The following NCOR2 variants were observed in gnomAD, a reference collection of about 807,000 sequenced individuals.
NCOR2 encodes the protein nuclear receptor corepressor 2, also known as CTG repeat protein 26.
A neutral mutation model predicts 262.9 loss-of-function variants in NCOR2; 81 were observed. The ratio of observed to expected loss-of-function variants is 0.31; its 90% confidence interval spans 0.26 to 0.37. The LOEUF is 0.37. Ranked by LOEUF, NCOR2 falls within the 10% of genes least tolerant of loss-of-function variation. The pLI, the probability that NCOR2 is intolerant of heterozygous loss-of-function variation, is 1.00. For synonymous variants in NCOR2, 1,659 were observed against 1,559.3 expected (o/e 1.06, Z -1.51); for missense variants, 3,385 against 3,621.4 (o/e 0.93, Z 1.68).
intron 13 of NCOR2, among the ~76,000 whole-genome samples, chr12:124,403,754 C>T (rs1048445390): frequency 6.6e-6 from 1 of 152,208 alleles, no homozygotes; most frequent in Non-Finnish European, 1.5e-5. Flanking sequence ...GGAACAGGTG[C>T]CTGACCCGCA....
intron 19 of NCOR2, among the ~76,000 whole-genome samples, chr12:124,374,199 A>C (rs2039796170): frequency 1.3e-5 from 2 of 152,230 alleles, no homozygotes; most frequent in South Asian, 4.1e-4. Flanking sequence ...AAAGCAGTGG[A>C]GACGGGAAAC....
intron 1 of NCOR2, among the ~76,000 whole-genome samples, chr12:124,550,991 T>A (rs914849991): frequency 6.6e-6 from 1 of 152,150 alleles, no homozygotes; most frequent in Non-Finnish European, 1.5e-5. Context: ...CTACAAGAAG[T>A]TAAAATTAGC....
intron 37 of NCOR2, among the ~76,000 whole-genome samples, chr12:124,338,735 C>A (rs116383736): frequency 6.6e-6 from 1 of 151,958 alleles, no homozygotes; most frequent in African/African-American, 2.4e-5. Flanking sequence ...TCCTCACAGT[C>A]CCCATTCAGT....
chr12:124,489,443 T>C (rs2047959357), intron 1 of NCOR2, among the ~76,000 whole-genome samples: 1 of 151,980 alleles, frequency 6.6e-6, no homozygotes, highest in Non-Finnish European at 1.5e-5. Flanking sequence ...CACACAGCAA[T>C]AAGGGGTACG....
chr12:124,358,456 G>A (rs997018481), intron 22 of NCOR2, among the ~76,000 whole-genome samples: 37 of 152,174 alleles, frequency 2.4e-4, no homozygotes, highest in Admixed American at 6.5e-5. Context: ...GGGCAGTGGG[G>A]GGTTATAAGC....
At chr12:124,505,135 C>G (rs2048975017) in intron 1 of NCOR2, among the ~76,000 whole-genome samples, 1 of 152,124 alleles carries the variant, frequency 6.6e-6, no homozygotes, top group Non-Finnish European at 1.5e-5. Context: ...TCGGCTTTCC[C>G]TATTTGCCAC....
At position 124,330,915 on chromosome 12, in the gene NCOR2, G is replaced by C; in HGVS notation, c.6905-17C>G. ...GGCTGATATCTGGAAGCGGGTGACA[G>C]AGTGGGTGAGGCCCCCAGGTCTCTG... On this transcript the variant is annotated splice_polypyrimidine_tract_variant and intron_variant, in intron 43 of 46. Coordinates refer to ENST00000405201, the Ensembl canonical transcript of NCOR2. The C allele has an allele frequency of 3.2e-6, 5 of 1,573,846 alleles. No individual in the cohort carries two copies. The highest frequency in any genetic ancestry group is 4.3e-6 in the Non-Finnish European group (5 of 1,159,232).
Position 124,495,227 on chromosome 12 carries a change from C to T in NCOR2, c.25G>A (p.Ala9Thr). The T allele has an allele frequency of 1.2e-6, 2 of 1,613,688 alleles. No individual in the cohort carries two copies. The highest frequency in any genetic ancestry group is 1.7e-6 in the Non-Finnish European group (2 of 1,179,880). ...GGCTCAGTGGCCCTCCACGTCTGTG[C>T]CACAGGCTGTGTGGATCCCGACATG... is the stretch of plus-strand genomic sequence containing the variant. Residue 9 changes from alanine to threonine, a missense_variant, in exon 1 of 47, where the codon GCA becomes ACA. Physicochemically the swap from Ala to Thr is moderately conservative, Grantham distance 58 (BLOSUM62 0). Around this residue, in one of 5 missense-constraint regions of NCOR2, gnomAD observed 237 missense variants for 229.4 expected, o/e 1.03. Transcript: ENST00000405201. The surrounding 1 kb of genome is among the most constrained non-coding windows in gnomAD (Gnocchi z 4.4).
chr12:124,368,649 T>C (rs1480567539), intron 20 of NCOR2, among the ~76,000 whole-genome samples: 2 of 152,196 alleles, frequency 1.3e-5, no homozygotes, highest in Non-Finnish European at 2.9e-5. Context: ...CACTGGTGGT[T>C]CCCAGGGGGT....
At chr12:124,388,013 G>A (rs908343667) in intron 16 of NCOR2, among the ~76,000 whole-genome samples, 3 of 151,858 alleles carry the variant, frequency 2.0e-5, no homozygotes, top group Admixed American at 6.6e-5. Flanking sequence ...CCTGGCTGGG[G>A]GCTGGGGACC....
At chr12:124,500,060 G>A (rs2048614914), upstream of NCOR2, among the ~76,000 whole-genome samples, 1 of 152,140 alleles carries the variant, frequency 6.6e-6, no homozygotes, top group Non-Finnish European at 1.5e-5. Context: ...GGTGCCTGGG[G>A]AACAGCAGGT....
intron 38 of NCOR2, chr12:124,336,113 C>A: frequency 6.0e-6 from 1 of 165,702 alleles, no homozygotes; most frequent in Non-Finnish European, 1.3e-5. Context: ...GGTCCAGAGG[C>A]AGAGGGCTCC....
chr12:124,413,392 C>T (rs1224958713), intron 13 of NCOR2, among the ~76,000 whole-genome samples: 1 of 152,236 alleles, frequency 6.6e-6, no homozygotes, highest in Non-Finnish European at 1.5e-5. Context: ...TAGAGTCTGA[C>T]AACCCTGGCA....
intron 17 of NCOR2, among the ~76,000 whole-genome samples, chr12:124,382,708 T>A (rs1262700036): frequency 1.3e-5 from 2 of 152,214 alleles, no homozygotes; most frequent in Non-Finnish European, 2.9e-5. Context: ...GTCTCTGCCC[T>A]CAGGGCAGCT....
chr12:124,486,239 G>T, intron 2 of NCOR2: 1 of 683,326 alleles, frequency 1.5e-6, no homozygotes, highest in Non-Finnish European at 2.3e-6. Flanking sequence ...CACGCTGGAA[G>T]TCTGAGGGCC....
intron 18 of NCOR2, among the ~76,000 whole-genome samples, chr12:124,377,838 G>GA (rs111815361): frequency 0.037 from 4,584 of 124,868 alleles, 140 homozygotes; most frequent in South Asian, 0.11. Flanking sequence ...GACTCCGTCT[G>GA]AAAAAAAAAA....
chr12:124,508,152 G>A (rs1416700585), intron 1 of NCOR2, among the ~76,000 whole-genome samples: 1 of 152,244 alleles, frequency 6.6e-6, no homozygotes, highest in African/African-American at 2.4e-5. Flanking sequence ...AAGTGGCCAG[G>A]CTGGACCACA....
intron 27 of NCOR2, among the ~76,000 whole-genome samples, chr12:124,351,318 T>G (rs560840921): frequency 6.6e-6 from 1 of 152,252 alleles, no homozygotes; most frequent in African/African-American, 2.4e-5. Context: ...CACCGGAAAT[T>G]TTAGTTCTAA....
rs1013260761 is a variant in NCOR2, at chr12:124,484,666, C to A, written c.234-893G>T. ...CTGCCTGGAGCACTGAGACCTCAGG[C>A]CCTCCATGTGAGCTCCTCCCCTTCC... On this transcript the variant is annotated intron_variant, in intron 2 of 46. Transcript: ENST00000405201. Among the ~76,000 whole-genome samples, 3 of 152,344 alleles carry A rather than the reference C, an allele frequency of 2.0e-5. No individual in the cohort carries two copies. The East Asian group carries it at 5.8e-4, about 29-fold the overall frequency.
Sources: allele counts gnomAD v4.1 joint callset (sites outside exome capture counted in the v4.1 genomes callset), GRCh38; gene constraint gnomAD v4.1.1; regional missense constraint gnomAD v4.1.1; non-coding constraint Gnocchi (gnomAD v3.1); transcripts MANE v1.5; gene names NCBI Gene and HGNC (gene_info 2026-07-23, HGNC 2026-07-21).